The following MYO9A variants were observed in gnomAD, a reference collection of about 807,000 sequenced individuals.
The protein encoded by MYO9A is unconventional myosin-IXa.
A neutral mutation model predicts 293.3 loss-of-function variants in MYO9A; 103 were observed. The ratio of observed to expected loss-of-function variants is 0.35; its 90% CI spans 0.30 to 0.41. The LOEUF (loss-of-function observed/expected upper bound fraction) is 0.41, where lower values mean the gene tolerates loss of function less well. Ranked by LOEUF, MYO9A falls within the 10% of genes least tolerant of loss-of-function variation. MYO9A has a pLI of 1.00. For synonymous variants in MYO9A, 1,001 were observed against 1,035.7 expected (o/e 0.97, Z 0.64); for missense variants, 2,685 against 3,033.0 (o/e 0.89, Z 2.69).
chr15:72,002,451 G>A (rs1392366040), intron 8 of MYO9A, among the ~76,000 whole-genome samples: 1 of 152,072 alleles, frequency 6.6e-6, no homozygotes, highest in Non-Finnish European at 1.5e-5. Context: ...CAATCCACCT[G>A]CCTTGGCCTC....
intron 12 of MYO9A, among the ~76,000 whole-genome samples, chr15:71,971,357 G>A (rs2076006155): frequency 6.6e-6 from 1 of 151,914 alleles, no homozygotes; most frequent in Admixed American, 6.6e-5. Context: ...GGCTAAGGTA[G>A]GAGGACAGCT....
chr15:72,075,028 G>C (rs1322777844), intron 1 of MYO9A, among the ~76,000 whole-genome samples: 3 of 125,990 alleles, frequency 2.4e-5, no homozygotes, highest in African/African-American at 9.0e-5. Context: ...GCAATGGCAC[G>C]ATCTCAGCTC....
At chr15:72,063,111 C>T (rs2078921036) in intron 1 of MYO9A, among the ~76,000 whole-genome samples, 1 of 152,174 alleles carries the variant, frequency 6.6e-6, no homozygotes, top group African/African-American at 2.4e-5. Context: ...ATAGTGAATT[C>T]ATTTTTGACA....
chr15:71,900,043 T>C (rs2057439759), intron 23 of MYO9A, 37 bp from the exon 24 acceptor site: 1 of 1,526,282 alleles, frequency 6.6e-7, no homozygotes, highest in African/African-American at 1.4e-5. Flanking sequence ...CTGGTTGTCA[T>C]ATCTTACACT....
intron 1 of MYO9A, among the ~76,000 whole-genome samples, chr15:72,061,058 TC>T (rs1204918267): frequency 1.3e-5 from 2 of 152,024 alleles, no homozygotes; most frequent in Non-Finnish European, 2.9e-5. Flanking sequence ...CAGATAACAT[TC>T]CTAGACACAC....
chr15:71,978,094 T>C (rs1202498862), intron 12 of MYO9A, 77 bp downstream of exon 12: 8 of 1,525,170 alleles, frequency 5.2e-6, no homozygotes, highest in Non-Finnish European at 7.1e-6. Flanking sequence ...TTTGGTAATG[T>C]AAGAAAAAAG....
chr15:71,955,526 T>A (rs1397030603), intron 14 of MYO9A, among the ~76,000 whole-genome samples: 1 of 152,238 alleles, frequency 6.6e-6, no homozygotes, highest in East Asian at 1.9e-4. Flanking sequence ...ATTCTGAGTA[T>A]CAGTGGTTTG....
rs1282955513 is a variant in MYO9A at position 72,049,198 on chromosome 15, C to T, written c.-71-2564G>A. ...CATGTTTACTACTTTTTTAAGAGAA[C>T]TACAGTATCATAAATATATTTTTAA... On this transcript the variant is annotated intron_variant, in intron 1 of 41. Coordinates refer to ENST00000356056, the MANE Select transcript of MYO9A (RefSeq NM_006901.4). Among the ~76,000 whole-genome samples, 17 of 152,058 alleles carry T rather than the reference C, an allele frequency of 1.1e-4. 1 individual carries two copies. Among genetic ancestry groups the T allele is most frequent in the Non-Finnish European group, 2.9e-5 (2 of 68,018 alleles).
chr15:71,928,056 ATTTTTTTTTTTTTTTTTTT>A (rs1172759885), intron 18 of MYO9A, among the ~76,000 whole-genome samples: 6 of 6,040 alleles, frequency 9.9e-4, no homozygotes, highest in African/African-American at 2.0e-3. Flanking sequence ...ATATATATAT[ATTTTTTTTTTTTTTTTTTT>A]TTTTTTTTTT....
intron 21 of MYO9A, 135 bp from the exon 22 acceptor site, chr15:71,903,198 G>C: frequency 1.4e-6 from 1 of 716,070 alleles, no homozygotes; most frequent in Non-Finnish European, 2.2e-6. Context: ...GTTAATTTAA[G>C]ATATGATAAA....
intron 1 of MYO9A, among the ~76,000 whole-genome samples, chr15:72,052,641 T>C (rs2078600376): frequency 6.6e-6 from 1 of 152,200 alleles, no homozygotes; most frequent in African/African-American, 2.4e-5. Flanking sequence ...CTACGGTTCC[T>C]GGCATCTTCA....
chr15:72,092,910 T>TACACACACACACACAC (rs59999448), intron 1 of MYO9A, among the ~76,000 whole-genome samples: 135 of 141,990 alleles, frequency 9.5e-4, no homozygotes, highest in African/African-American at 3.1e-3. Context: ...CCACCTTACT[T>TACACACACACACACAC]ACACACACAC....
chr15:72,091,807 A>G (rs1165136720), intron 1 of MYO9A, among the ~76,000 whole-genome samples: 2 of 150,732 alleles, frequency 1.3e-5, no homozygotes, highest in Non-Finnish European at 2.9e-5. Flanking sequence ...TCCGCCTCCC[A>G]GGTTCACACC....
chr15:71,918,054 A>G (rs1462395868), intron 18 of MYO9A, among the ~76,000 whole-genome samples: 1 of 152,200 alleles, frequency 6.6e-6, no homozygotes, highest in Non-Finnish European at 1.5e-5. Context: ...TGACAAGGCA[A>G]TTCTCAAAGT....
chr15:71,993,486 G>A (rs530746978), intron 10 of MYO9A, among the ~76,000 whole-genome samples: 54 of 152,208 alleles, frequency 3.5e-4, no homozygotes, highest in African/African-American at 1.3e-3. Context: ...AGGTGATGCA[G>A]AACTTTTATC....
chr15:72,031,725 A>T (rs1459156445), intron 3 of MYO9A, among the ~76,000 whole-genome samples: 1 of 151,852 alleles, frequency 6.6e-6, no homozygotes, highest in Non-Finnish European at 1.5e-5. Flanking sequence ...TGCTCTAAAA[A>T]ATAGTCTATT....
At position 71,822,585 on chromosome 15, in the gene MYO9A, TAC is replaced by T. The variant is rs1286479780; in HGVS notation, c.*3993_*3994del. The T allele has an allele frequency of 5.3e-5, 8 of 152,182 alleles. No individual in the cohort carries two copies. Among genetic ancestry groups the T allele is most frequent in the Admixed American group, 6.5e-5 (1 of 15,280 alleles). 9.4% of individuals were successfully genotyped at this position (152,182 alleles called of 1,614,324 possible). A position where few individuals can be genotyped will look rare whatever the true frequency, so the allele number is the denominator to read the frequency against. ...TTTCACAGGATATGTCCTTTTATAA[TAC>T]AGTTTTTAAAAAAAATTTACACTCA... On this transcript the variant is annotated 3_prime_UTR_variant, in exon 42 of 42. Transcript: ENST00000356056.
intron 1 of MYO9A, among the ~76,000 whole-genome samples, chr15:72,057,684 A>C (rs999693458): frequency 6.6e-6 from 1 of 152,240 alleles, no homozygotes; most frequent in Admixed American, 6.5e-5. Flanking sequence ...AGGGCCGCTA[A>C]GCTAGAAAGA....
At chr15:71,899,328 TG>T (rs2057417994) in intron 24 of MYO9A, among the ~76,000 whole-genome samples, 1 of 151,572 alleles carries the variant, frequency 6.6e-6, no homozygotes. Context: ...CAAATTAAAG[TG>T]AAATTTTAAG....
Sources: gnomAD v4.1 joint callset for allele counts (sites outside exome capture counted in the v4.1 genomes callset) on GRCh38, gnomAD v4.1.1 for gene constraint, MANE v1.5 for transcripts, NCBI Gene and HGNC (gene_info 2026-07-23, HGNC 2026-07-21) for gene names.